Variants in PTPN5 observed in about 807,000 individuals in gnomAD.
PTPN5 encodes the protein tyrosine-protein phosphatase non-receptor type 5.
PTPN5 carries 29 observed loss-of-function variants against 73.9 expected under a neutral mutation model. That is an observed-to-expected ratio of 0.39 (90% CI 0.29 to 0.54). The LOEUF (loss-of-function observed/expected upper bound fraction) is 0.54. Among genes scored for constraint, PTPN5 ranks in the 20% least tolerant of loss-of-function variants. PTPN5 has a pLI of 0.65. For missense variants in PTPN5, 652 were observed against 751.4 expected, an observed-to-expected ratio of 0.87 and a Z score of 1.55; for synonymous variants, 267 against 304.7, an observed-to-expected ratio of 0.88 and a Z score of 1.29.
rs1232142067 is a variant in PTPN5, at chr11:18,733,840, G to C, written c.1001-205C>G. Among the ~76,000 whole-genome samples the C allele has an allele frequency of 6.6e-6, 1 of 152,164 alleles. No individual in the cohort carries two copies. The highest frequency in any genetic ancestry group is 1.5e-5 in the Non-Finnish European group (1 of 68,032). Reference sequence around the variant, plus strand: ...GAGGAGGAGGGTGGAGAGAGAGGGGGGTCCCCGGGTCTCTACCTCTGTCTC... The same window carrying C: ...GAGGAGGAGGGTGGAGAGAGAGGGGCGTCCCCGGGTCTCTACCTCTGTCTC... On this transcript the variant is annotated intron_variant, in intron 9 of 14. Transcript: ENST00000358540. The surrounding 1 kb of genome is among the most constrained non-coding windows in gnomAD (Gnocchi z 4.3).
chr11:18,775,638 C>T (rs536217647), intron 1 of PTPN5, among the ~76,000 whole-genome samples: 28 of 152,278 alleles, frequency 1.8e-4, no homozygotes, highest in African/African-American at 6.7e-4. Context: ...CCATCAGTGC[C>T]ATGACGAATA....
chr11:18,732,146 C>T (rs1465072388), intron 12 of PTPN5, among the ~76,000 whole-genome samples: 1 of 152,190 alleles, frequency 6.6e-6, no homozygotes, highest in Admixed American at 6.5e-5. Context: ...AGAGTGCCTG[C>T]CCTCTTGTGG....
intron 12 of PTPN5, chr11:18,730,129 A>T (rs1413953996): frequency 4.0e-6 from 2 of 495,332 alleles, no homozygotes; most frequent in Non-Finnish European, 7.1e-6. Flanking sequence ...AGGGTTCCTT[A>T]TCTTAACAAA....
chr11:18,783,223 T>A (rs1851522392), intron 1 of PTPN5, among the ~76,000 whole-genome samples: 1 of 152,138 alleles, frequency 6.6e-6, no homozygotes, highest in Admixed American at 6.5e-5. Context: ...ACCCCCAGCC[T>A]CCCTGCCTCA....
At chr11:18,753,562 C>T (rs1849988736) in intron 3 of PTPN5, among the ~76,000 whole-genome samples, 1 of 133,874 alleles carries the variant, frequency 7.5e-6, no homozygotes, top group Admixed American at 8.5e-5. Flanking sequence ...CCAGACTCTA[C>T]CCACACCTTC....
chr11:18,773,495 A>G (rs1851007663), intron 1 of PTPN5, among the ~76,000 whole-genome samples: 1 of 152,164 alleles, frequency 6.6e-6, no homozygotes, highest in Non-Finnish European at 1.5e-5. Context: ...CAGAAGGCAC[A>G]GAGTCTGCAG....
chr11:18,743,776 T>C (rs1400368532), intron 4 of PTPN5: 2 of 586,032 alleles, frequency 3.4e-6, no homozygotes, highest in African/African-American at 3.8e-5. Context: ...GGCCCTGTGT[T>C]CTGGATTCTT....
intron 3 of PTPN5, among the ~76,000 whole-genome samples, chr11:18,753,091 G>A (rs1849966436): frequency 6.6e-6 from 1 of 152,248 alleles, no homozygotes; most frequent in Non-Finnish European, 1.5e-5. Flanking sequence ...GCTGGGTTCT[G>A]GCTTGGGGTT....
Position 18,728,007 on chromosome 11 carries a change from G to A in PTPN5, c.*927C>T, listed in dbSNP as rs1848707152. On this transcript the variant is annotated 3_prime_UTR_variant, in exon 15 of 15. Coordinates refer to ENST00000358540, the MANE Select transcript of PTPN5 (RefSeq NM_006906.2). The surrounding 1 kb of genome is among the most constrained non-coding windows in gnomAD (Gnocchi z 4.1). ...TTATAAAAAGACACCAAATGTCTCTGTCTGCCGTGGGATAAATATTTAAAG... is the reference window on the plus strand; with the variant it reads ...TTATAAAAAGACACCAAATGTCTCTATCTGCCGTGGGATAAATATTTAAAG... The A allele has an allele frequency of 6.6e-6, 1 of 152,618 alleles. No homozygotes were observed. Among genetic ancestry groups the A allele is most frequent in the South Asian group, 2.1e-4 (1 of 4,808 alleles). The allele number at this position is 152,618 out of a possible 1,614,324, so 9.5% of individuals were successfully genotyped here. A position where few individuals can be genotyped will look rare whatever the true frequency, so the allele number is the denominator to read the frequency against.
rs1249510200 is a variant in PTPN5, at chr11:18,729,927, T to C, written c.1330-109A>G. On this transcript the variant is annotated intron_variant, in intron 12 of 14. Transcript: ENST00000358540. The surrounding 1 kb of genome is among the most constrained non-coding windows in gnomAD (Gnocchi z 5.2). ...AGGAGGAAGAACACAGGAAGAACAC[T>C]GAGAGTGGGACCCCTTCACCCTTCC... 7.1e-7 allele frequency: 1 copy of C among 1,411,880 alleles called. No individual in the cohort carries two copies. The highest frequency in any genetic ancestry group is 9.9e-7 in the Non-Finnish European group (1 of 1,005,698). 87.5% of individuals were successfully genotyped at this position (1,411,880 alleles called of 1,614,324 possible). A position where few individuals can be genotyped will look rare whatever the true frequency, so the allele number is the denominator to read the frequency against.
chr11:18,748,117 T>A (rs759840055), intron 3 of PTPN5, among the ~76,000 whole-genome samples: 1 of 152,178 alleles, frequency 6.6e-6, no homozygotes, highest in African/African-American at 2.4e-5. Flanking sequence ...TCAGAGTTGA[T>A]ATCAAGAAGC....
intron 3 of PTPN5, among the ~76,000 whole-genome samples, chr11:18,765,512 C>T (rs985028620): frequency 1.3e-5 from 2 of 152,096 alleles, no homozygotes; most frequent in African/African-American, 4.8e-5. Context: ...AGTGGTCATT[C>T]CCTAGGAGCC....
intron 1 of PTPN5, among the ~76,000 whole-genome samples, chr11:18,777,814 A>G (rs1278030594): frequency 6.6e-6 from 1 of 152,086 alleles, no homozygotes; most frequent in Non-Finnish European, 1.5e-5. Flanking sequence ...GCATGGTGGT[A>G]CACACCTGTA....
chr11:18,737,796 C>T (rs1006388453), intron 9 of PTPN5, 84 bp downstream of exon 9: 1 of 1,236,970 alleles, frequency 8.1e-7, no homozygotes, highest in African/African-American at 1.5e-5. Context: ...CCCTAGAGGC[C>T]CAGCTGAGGG....
chr11:18,782,162 G>A (rs998892365), intron 1 of PTPN5, among the ~76,000 whole-genome samples: 1 of 152,174 alleles, frequency 6.6e-6, no homozygotes, highest in African/African-American at 2.4e-5. Flanking sequence ...TTGGCATTTA[G>A]AAATCTGTGT....
chr11:18,736,446 CT>C (rs766629538), intron 9 of PTPN5, among the ~76,000 whole-genome samples: 2 of 152,250 alleles, frequency 1.3e-5, no homozygotes, highest in Non-Finnish European at 2.9e-5. Flanking sequence ...ATGGACCTCT[CT>C]CCCCCGCTAG....
At chr11:18,784,294 A>G (rs1018805719) in intron 1 of PTPN5, among the ~76,000 whole-genome samples, 2 of 152,238 alleles carry the variant, frequency 1.3e-5, no homozygotes, top group African/African-American at 4.8e-5. Flanking sequence ...TGGTATATCC[A>G]TACAATGGAA....
In PTPN5 at chr11:18,729,827, G is replaced by C. The variant is rs776438441; in HGVS notation, c.1330-9C>G. 7 of 1,613,984 alleles carry C rather than the reference G, an allele frequency of 4.3e-6. No homozygotes were observed. The Admixed American group carries it at 5.0e-5, about 12-fold the overall frequency. On this transcript the variant is annotated splice_polypyrimidine_tract_variant and intron_variant, in intron 12 of 14. Coordinates refer to ENST00000358540, the MANE Select transcript of PTPN5 (RefSeq NM_006906.2). This position sits in a 1 kb window ranked among gnomAD's most constrained non-coding sequence, Gnocchi z 5.2. ...CGCTCCTCAGTCCCACTCTGTCGAGGAGACAGAGGCCCACCCCAGGTATGT... is the reference window on the plus strand; with the variant it reads ...CGCTCCTCAGTCCCACTCTGTCGAGCAGACAGAGGCCCACCCCAGGTATGT...
chr11:18,755,512 T>A (rs1438750229), intron 3 of PTPN5, among the ~76,000 whole-genome samples: 1 of 152,142 alleles, frequency 6.6e-6, no homozygotes, highest in African/African-American at 2.4e-5. Context: ...GTATTCCCAA[T>A]GAGGAGAGAC....
Sources: gnomAD v4.1 joint callset for allele counts (sites outside exome capture counted in the v4.1 genomes callset) on GRCh38, gnomAD v4.1.1 for gene constraint, Gnocchi (gnomAD v3.1) non-coding constraint, MANE v1.5 for transcripts, NCBI Gene and HGNC (gene_info 2026-07-23, HGNC 2026-07-21) for gene names.